DSCAML1: variants seen among roughly 807,000 people sequenced by gnomAD.
DSCAML1 encodes the protein cell adhesion molecule DSCAML1.
In DSCAML1, 38 loss-of-function variants were observed where a neutral mutation model predicts 200.5. The observed-to-expected ratio is 0.19, with a 90% CI of 0.15 to 0.25. DSCAML1 has a LOEUF of 0.25. Ranked by LOEUF, DSCAML1 falls within the 10% of genes least tolerant of loss-of-function variation. DSCAML1 has a pLI of 1.00. For synonymous variants in DSCAML1, 1,215 were observed against 1,165.0 expected (o/e 1.04, Z -0.87); for missense variants, 2,223 against 2,858.8 (o/e 0.78, Z 5.07).
At chr11:117,474,807 T>C (rs2137191103) in intron 14 of DSCAML1, among the ~76,000 whole-genome samples, 1 of 150,970 alleles carries the variant, frequency 6.6e-6, no homozygotes, top group Non-Finnish European at 1.5e-5. Flanking sequence ...CAGGCTGGAG[T>C]GCAGTGGCGC....
chr11:117,679,040 C>T (rs1385813161), intron 3 of DSCAML1, among the ~76,000 whole-genome samples: 2 of 152,262 alleles, frequency 1.3e-5, no homozygotes, highest in African/African-American at 2.4e-5. Context: ...CCAGGCTCAG[C>T]GGCCTCATTG....
intron 11 of DSCAML1, among the ~76,000 whole-genome samples, chr11:117,499,176 C>T (rs1375180773): frequency 6.6e-6 from 1 of 152,116 alleles, no homozygotes; most frequent in Non-Finnish European, 1.5e-5. Context: ...GGAATGACCT[C>T]CTCCTCCTTT....
chr11:117,791,761 T>C (rs77011337), intron 1 of DSCAML1, among the ~76,000 whole-genome samples: 1 of 152,190 alleles, frequency 6.6e-6, no homozygotes, highest in African/African-American at 2.4e-5. Context: ...GCCAAAAATG[T>C]GGCTGATTAA....
At chr11:117,663,940 T>C (rs1374786655) in intron 3 of DSCAML1, among the ~76,000 whole-genome samples, 2 of 152,242 alleles carry the variant, frequency 1.3e-5, no homozygotes, top group African/African-American at 4.8e-5. Flanking sequence ...CACCAGTGTT[T>C]CCGCTGAGCT....
At chr11:117,436,971 G>A in intron 26 of DSCAML1, 151 bp downstream of exon 26, 1 of 1,134,916 alleles carries the variant, frequency 8.8e-7, no homozygotes, top group Non-Finnish European at 1.2e-6. Context: ...CCCTTTGTCA[G>A]CCCCTTCACC....
intron 3 of DSCAML1, among the ~76,000 whole-genome samples, chr11:117,543,427 G>A (rs2050308882): frequency 6.6e-6 from 1 of 152,178 alleles, no homozygotes; most frequent in African/African-American, 2.4e-5. Context: ...GTGTGACCCT[G>A]TGCTGGTGTG....
At chr11:117,765,877 A>G (rs2054888627) in intron 3 of DSCAML1, among the ~76,000 whole-genome samples, 1 of 152,124 alleles carries the variant, frequency 6.6e-6, no homozygotes, top group South Asian at 2.1e-4. Flanking sequence ...TTGCTTCTCT[A>G]AACAGCTTCA....
chr11:117,610,832 C>T (rs548988899), intron 3 of DSCAML1, among the ~76,000 whole-genome samples: 2 of 115,548 alleles, frequency 1.7e-5, no homozygotes, highest in African/African-American at 3.3e-5. Context: ...CTAAACCAAA[C>T]CAAAACAACC....
chr11:117,620,288 C>T (rs750991729), intron 3 of DSCAML1, among the ~76,000 whole-genome samples: 16 of 152,162 alleles, frequency 1.1e-4, no homozygotes, highest in Non-Finnish European at 1.6e-4. Context: ...CATCAGCCAC[C>T]GACAGTGGAG....
chr11:117,539,842 T>G (rs2050236142), intron 3 of DSCAML1, among the ~76,000 whole-genome samples: 1 of 152,154 alleles, frequency 6.6e-6, no homozygotes, highest in Admixed American at 6.5e-5. Flanking sequence ...AGCAGCGTTA[T>G]TCACAATAGC....
At chr11:117,471,787 G>C in intron 15 of DSCAML1, 82 bp downstream of exon 15, 1 of 1,487,458 alleles carries the variant, frequency 6.7e-7, no homozygotes, top group Non-Finnish European at 9.1e-7. Flanking sequence ...CAAGCTCATT[G>C]CCAGTGAACA....
rs2055225646 is a variant in DSCAML1 at position 117,780,294 on chromosome 11, A to AAGAAAGAAAGAC, written c.364+198_364+199insGTCTTTCTTTCT. 8.4e-5 allele frequency among the ~76,000 whole-genome samples: 9 copies of AAGAAAGAAAGAC among 106,724 alleles called. No homozygotes were observed. The highest frequency in any genetic ancestry group is 5.0e-3 in the Middle Eastern group (1 of 200). The allele number at this position is 106,724 out of a possible 152,430, so 70.0% of individuals were successfully genotyped here. A position where few individuals can be genotyped will look rare whatever the true frequency, so the allele number is the denominator to read the frequency against. On this transcript the variant is annotated intron_variant, in intron 2 of 32. Transcript: ENST00000651296. This position sits in a 1 kb window ranked among gnomAD's most constrained non-coding sequence, Gnocchi z 4.8. ...AAAGAAAGAAAGAAAGAAAGAAAGA[A>AAGAAAGAAAGAC]AGAAAGAAAGAGAGAAAGGAGAAAG...
intron 1 of DSCAML1, among the ~76,000 whole-genome samples, chr11:117,807,718 C>T (rs1179006985): frequency 6.6e-6 from 1 of 152,196 alleles, no homozygotes; most frequent in Non-Finnish European, 1.5e-5. Flanking sequence ...ATGGGGGCTC[C>T]TCCATGGAGA....
In DSCAML1 at chr11:117,518,336, G is replaced by C; in HGVS notation, c.1510+130C>G. On this transcript the variant is annotated intron_variant, in intron 7 of 32. Transcript: ENST00000651296. This position sits in a 1 kb window ranked among gnomAD's most constrained non-coding sequence, Gnocchi z 6.3. ...GGGCAGGAAAAGGGGACGAGAGAGG[G>C]GAGAGAGACCTCTACTAAAATCAAA... 7.9e-7 allele frequency: 1 copy of C among 1,268,286 alleles called. No homozygotes were observed. The allele number at this position is 1,268,286 out of a possible 1,614,324, so 78.6% of individuals were successfully genotyped here.
At chr11:117,626,860 AT>A (rs2052057107) in intron 3 of DSCAML1, among the ~76,000 whole-genome samples, 1 of 152,012 alleles carries the variant, frequency 6.6e-6, no homozygotes. Flanking sequence ...TAGGGGCAAA[AT>A]CTCATCCTAT....
rs765501903 is a variant in DSCAML1, at chr11:117,503,816, G to A, written c.2359+29C>T. ...CGGGGCTTGGCTGTGATTTGGGGGT[G>A]CTAGGGGGCGTGTGGGGACAGGACT... On this transcript the variant is annotated intron_variant, in intron 11 of 32. Coordinates refer to ENST00000651296, the MANE Select transcript of DSCAML1 (RefSeq NM_020693.4). This position sits in a 1 kb window ranked among gnomAD's most constrained non-coding sequence, Gnocchi z 5.2. 5.0e-6 allele frequency: 8 copies of A among 1,604,716 alleles called. No homozygotes were observed. Among genetic ancestry groups the A allele is most frequent in the Non-Finnish European group, 6.8e-6 (8 of 1,175,080 alleles).
chr11:117,656,496 CATCTATCTATCTATCTATCT>C lies in DSCAML1; in HGVS notation c.511+120275_511+120294del, dbSNP rs71469141. Among the ~76,000 whole-genome samples the C allele has an allele frequency of 3.4e-4, 50 of 147,394 alleles. No individual in the cohort carries two copies. The South Asian group carries it at 3.8e-3, about 11-fold the overall frequency. On this transcript the variant is annotated intron_variant, in intron 3 of 32. Coordinates refer to ENST00000651296, the MANE Select transcript of DSCAML1 (RefSeq NM_020693.4). ...GACTGTTCTAAACATTTACCTAAAT[CATCTATCTATCTATCTATCT>C]ATCTATCTATCTATCTATCTATCTA...
intron 3 of DSCAML1, among the ~76,000 whole-genome samples, chr11:117,715,468 A>G (rs2053936156): frequency 6.6e-6 from 1 of 152,214 alleles, no homozygotes; most frequent in South Asian, 2.1e-4. Context: ...TACAACAGAA[A>G]GTATATCAAA....
At chr11:117,532,029 A>G (rs1269411276) in intron 4 of DSCAML1, among the ~76,000 whole-genome samples, 1 of 152,012 alleles carries the variant, frequency 6.6e-6, no homozygotes, top group Non-Finnish European at 1.5e-5. Context: ...ACAAGCACCT[A>G]GAGGCATGGA....
Sources: allele counts gnomAD v4.1 joint callset (sites outside exome capture counted in the v4.1 genomes callset), GRCh38; gene constraint gnomAD v4.1.1; non-coding constraint Gnocchi (gnomAD v3.1); transcripts MANE v1.5; gene names NCBI Gene and HGNC (gene_info 2026-07-23, HGNC 2026-07-21).